CALML4: variants seen among roughly 807,000 people sequenced by gnomAD.
The protein encoded by CALML4 is calmodulin-like protein 4.
In CALML4, 16 loss-of-function variants were observed where a neutral mutation model predicts 17.9. That is an observed-to-expected ratio of 0.89 (90% confidence interval 0.61 to 1.36). The LOEUF is 1.36. CALML4 is among the 40% of genes most tolerant of loss of function. The pLI is 0.00. For missense variants in CALML4, 203 were observed against 194.8 expected (o/e 1.04, Z -0.25); for synonymous variants, 86 against 71.5 (o/e 1.20, Z -1.02).
At position 68,194,083 on chromosome 15, in the gene CALML4, C is replaced by T. The variant is rs753892783; in HGVS notation, c.394G>A (p.Glu132Lys). 1.7e-5 allele frequency: 27 copies of T among 1,613,684 alleles called. No individual in the cohort carries two copies. The highest frequency in any genetic ancestry group is 1.6e-4 in the Middle Eastern group (1 of 6,084). Residue 132 changes from glutamate (E) to lysine (K), a missense_variant, in exon 5 of 5, where the codon GAA becomes AAA. Transcript: ENST00000467889. ...TCATACTTCACTTTGCCATTGGGTT[C>T]GATATCTGCTTCCCTGAAGAGATCA... is the stretch of plus-strand genomic sequence containing the variant. Reference protein sequence around the residue: ...VDDLFREADIEPNGKVKYDEF... With the variant: ...VDDLFREADIKPNGKVKYDEF...
intron 2 of CALML4, among the ~76,000 whole-genome samples, chr15:68,201,942 C>T (rs372053002): frequency 2.0e-5 from 3 of 152,322 alleles, no homozygotes; most frequent in South Asian, 4.1e-4. Flanking sequence ...AACATACTAG[C>T]ACATATATTT....
At chr15:68,203,023 C>G (rs780028498) in intron 2 of CALML4, among the ~76,000 whole-genome samples, 1 of 152,222 alleles carries the variant, frequency 6.6e-6, no homozygotes, top group Non-Finnish European at 1.5e-5. Context: ...CCATGTTGGC[C>G]AGGCTGGTCT....
intron 2 of CALML4, among the ~76,000 whole-genome samples, chr15:68,203,605 G>C (rs944298557): frequency 6.6e-6 from 1 of 152,158 alleles, no homozygotes; most frequent in South Asian, 2.1e-4. Flanking sequence ...TAGCTGTAGT[G>C]AGCCAGCCCC....
rs1283741928 is a variant in CALML4, at chr15:68,204,776, T to C, written c.34+345A>G. ...TCTGTCTCAATTACAAAGCCCCTCC[T>C]CTTTCCCTGCTGCCAGCCATACCTT... On this transcript the variant is annotated intron_variant, in intron 2 of 4. Transcript: ENST00000467889. This position sits in a 1 kb window ranked among gnomAD's most constrained non-coding sequence, Gnocchi z 6.0. Among the ~76,000 whole-genome samples, 1 of 152,120 alleles carries C rather than the reference T, an allele frequency of 6.6e-6. No individual in the cohort carries two copies. Among genetic ancestry groups the C allele is most frequent in the African/African-American group, 2.4e-5 (1 of 41,422 alleles).
intron 4 of CALML4, among the ~76,000 whole-genome samples, chr15:68,196,995 G>GA (rs2093147070): frequency 6.6e-6 from 1 of 152,178 alleles, no homozygotes; most frequent in Non-Finnish European, 1.5e-5. Flanking sequence ...GCTGTGATGG[G>GA]AAAAAGGGCA....
At chr15:68,199,727 C>T (rs773883829) in intron 2 of CALML4, 46 bp from the exon 3 acceptor site, 24 of 1,572,850 alleles carry the variant, frequency 1.5e-5, no homozygotes, top group Admixed American at 1.2e-4. Context: ...GGTCACTCTC[C>T]GCCCATGCCG....
At chr15:68,205,374 C>T, upstream of CALML4, 1 of 1,613,800 alleles carries the variant, frequency 6.2e-7, no homozygotes, top group Non-Finnish European at 8.5e-7. The surrounding 1 kb of genome is among the most constrained non-coding windows in gnomAD (Gnocchi z 4.8). Flanking sequence ...GCTCGGCTGC[C>T]ATGGAGACTG....
At position 68,191,059 on chromosome 15, in the gene CALML4, T is replaced by C. The variant is rs1199733627; in HGVS notation, c.*2956A>G. On this transcript the variant is annotated 3_prime_UTR_variant, in exon 5 of 5. Coordinates refer to ENST00000467889, the MANE Select transcript of CALML4 (RefSeq NM_033429.3). ...ACTTTTTAAAGCACATTTGAAATTA[T>C]TTTAGTAAGAATTTTGTTTTATCAA... 2 of 152,498 alleles carry C rather than the reference T, an allele frequency of 1.3e-5. No individual in the cohort carries two copies. The highest frequency in any genetic ancestry group is 4.8e-5 in the African/African-American group (2 of 41,372). 9.4% of individuals were successfully genotyped at this position (152,498 alleles called of 1,614,324 possible). A position where few individuals can be genotyped will look rare whatever the true frequency, so the allele number is the denominator to read the frequency against.
At position 68,191,232 on chromosome 15, in the gene CALML4, A is replaced by G. The variant is rs2093118325; in HGVS notation, c.*2783T>C. ...AACAGATAAAGTTACCATAAATTCC[A>G]TGAACTTAAATCTGTGATTCATTGC... On this transcript the variant is annotated 3_prime_UTR_variant, in exon 5 of 5. Transcript: ENST00000467889. 1 of 152,686 alleles carries G rather than the reference A, an allele frequency of 6.5e-6. No individual in the cohort carries two copies. The highest frequency in any genetic ancestry group is 1.5e-5 in the Non-Finnish European group (1 of 68,046). The allele number at this position is 152,686 out of a possible 1,614,324, so 9.5% of individuals were successfully genotyped here.
rs1204060062 is a variant in CALML4 at position 68,197,069 on chromosome 15, C to T, written c.364+371G>A. 1.3e-5 allele frequency among the ~76,000 whole-genome samples: 2 copies of T among 152,192 alleles called. No individual in the cohort carries two copies. Among genetic ancestry groups the T allele is most frequent in the Non-Finnish European group, 2.9e-5 (2 of 68,018 alleles). On this transcript the variant is annotated intron_variant, in intron 4 of 4. Transcript: ENST00000467889. This position sits in a 1 kb window ranked among gnomAD's most constrained non-coding sequence, Gnocchi z 4.1. Reference sequence around the variant, plus strand: ...TGGGAGCCGCTCACTCCCCCTGCTTCTTTATCAGTAGGAGCAGGCATTTGT... The same window carrying T: ...TGGGAGCCGCTCACTCCCCCTGCTTTTTTATCAGTAGGAGCAGGCATTTGT...
chr15:68,204,981 TC>T lies in CALML4; in HGVS notation c.34+139del. ...AACCCCCACCCCGCCAACAGCAGCC[TC>T]CCCGCAGCTCTTGGCCCTGGGTGGG... On this transcript the variant is annotated intron_variant, in intron 2 of 4. Transcript: ENST00000467889. This position sits in a 1 kb window ranked among gnomAD's most constrained non-coding sequence, Gnocchi z 6.0. The T allele has an allele frequency of 1.1e-6, 1 of 919,412 alleles. No homozygotes were observed. Among genetic ancestry groups the T allele is most frequent in the East Asian group, 2.5e-5 (1 of 40,546 alleles). 57.0% of individuals were successfully genotyped at this position (919,412 alleles called of 1,614,324 possible).
chr15:68,193,702 C>T lies in CALML4; in HGVS notation c.*313G>A. On this transcript the variant is annotated 3_prime_UTR_variant, in exon 5 of 5. Coordinates refer to ENST00000467889, the MANE Select transcript of CALML4 (RefSeq NM_033429.3). ...GGCTTTGAGGAGTGAAATGATTTGC[C>T]CAAAGTCACAGTGGGAAGCAGCAGA... 2 of 285,070 alleles carry T rather than the reference C, an allele frequency of 7.0e-6. No homozygotes were observed. The highest frequency in any genetic ancestry group is 6.7e-6 in the Non-Finnish European group (1 of 150,066). The allele number at this position is 285,070 out of a possible 1,614,324, so 17.7% of individuals were successfully genotyped here. A position where few individuals can be genotyped will look rare whatever the true frequency, so the allele number is the denominator to read the frequency against.
rs1258591156 is a variant in CALML4, at chr15:68,193,146, C to A, written c.*869G>T. On this transcript the variant is annotated 3_prime_UTR_variant, in exon 5 of 5. Coordinates refer to ENST00000467889, the MANE Select transcript of CALML4 (RefSeq NM_033429.3). The stretch of plus-strand genomic sequence containing the variant: ...GCTTAAGGCAATGACCAGTGTGGGC[C>A]ACTTGAGCAGACCATCCCGGAACCT... 1.3e-5 allele frequency: 2 copies of A among 152,322 alleles called. No homozygotes were observed. Among genetic ancestry groups the A allele is most frequent in the African/African-American group, 2.4e-5 (1 of 41,452 alleles). 9.4% of individuals were successfully genotyped at this position (152,322 alleles called of 1,614,324 possible).
In CALML4 at chr15:68,204,061, C is replaced by A. The variant is rs1308177103; in HGVS notation, c.34+1060G>T. ...TGGACAAGAGGGCACTGCCCCGGGC[C>A]CTGTGTTTTAAAAGTCCCTGCTCCT... On this transcript the variant is annotated intron_variant, in intron 2 of 4. Transcript: ENST00000467889. This position sits in a 1 kb window ranked among gnomAD's most constrained non-coding sequence, Gnocchi z 6.0. Among the ~76,000 whole-genome samples, 1 of 152,096 alleles carries A rather than the reference C, an allele frequency of 6.6e-6. No homozygotes were observed. Among genetic ancestry groups the A allele is most frequent in the African/African-American group, 2.4e-5 (1 of 41,410 alleles).
rs932211882 is a variant in CALML4, at chr15:68,204,530, CTT to C, written c.34+589_34+590del. The stretch of plus-strand genomic sequence containing the variant: ...CCCCCAAGTTCTTTGTAACGCAACT[CTT>C]TGCTCTTGGCCTTCTGGAAATAGAA... On this transcript the variant is annotated intron_variant, in intron 2 of 4. Coordinates refer to ENST00000467889, the MANE Select transcript of CALML4 (RefSeq NM_033429.3). The surrounding 1 kb of genome is among the most constrained non-coding windows in gnomAD (Gnocchi z 6.0). Among the ~76,000 whole-genome samples, 1 of 152,204 alleles carries C rather than the reference CTT, an allele frequency of 6.6e-6. No homozygotes were observed. The highest frequency in any genetic ancestry group is 6.5e-5 in the Admixed American group (1 of 15,278).
Position 68,205,286 on chromosome 15 carries a change from C to T in CALML4, c.-39G>A. On this transcript the variant is annotated 5_prime_UTR_variant, in exon 1 of 5. Transcript: ENST00000467889. The surrounding 1 kb of genome is among the most constrained non-coding windows in gnomAD (Gnocchi z 4.8). ...CTGCTACCCGTGGGCTTGCTGCTCCCAGAACCGCGTTCAGTTCCCTTTCCT... is the reference window on the plus strand; with the variant it reads ...CTGCTACCCGTGGGCTTGCTGCTCCTAGAACCGCGTTCAGTTCCCTTTCCT... 1 of 1,614,128 alleles carries T rather than the reference C, an allele frequency of 6.2e-7. No homozygotes were observed. The highest frequency in any genetic ancestry group is 8.5e-7 in the Non-Finnish European group (1 of 1,180,040).
intron 3 of CALML4, among the ~76,000 whole-genome samples, chr15:68,198,926 C>T (rs866297285): frequency 2.0e-5 from 3 of 152,262 alleles, no homozygotes; most frequent in South Asian, 4.2e-4. Flanking sequence ...CTTTGGGAGG[C>T]CGAGGCAGGC....
At position 68,199,691 on chromosome 15, in the gene CALML4, G is replaced by A. The variant is rs904072580; in HGVS notation, c.35-10C>T. The A allele has an allele frequency of 6.2e-6, 10 of 1,610,152 alleles. No individual in the cohort carries two copies. The highest frequency in any genetic ancestry group is 8.5e-6 in the Non-Finnish European group (10 of 1,178,398). On this transcript the variant is annotated splice_polypyrimidine_tract_variant and intron_variant, in intron 2 of 4. Transcript: ENST00000467889. ...AAGCATTCCTTGTACTCTGCACACGGCCCAGAGGGAGGGTCAGCAGCGTCT... is the reference window on the plus strand; with the variant it reads ...AAGCATTCCTTGTACTCTGCACACGACCCAGAGGGAGGGTCAGCAGCGTCT...
rs35627887 is a variant in CALML4 at position 68,195,046 on chromosome 15, C to CAAAAAAAA, written c.365-942_365-935dup. On this transcript the variant is annotated intron_variant, in intron 4 of 4. Coordinates refer to ENST00000467889, the MANE Select transcript of CALML4 (RefSeq NM_033429.3). ...AAACTGCCATTGTTCTCCATCACTC[C>CAAAAAAAA]AAAAAAAAAAAAAAAATCACTTCAT... Among the ~76,000 whole-genome samples, 27 of 130,726 alleles carry CAAAAAAAA rather than the reference C, an allele frequency of 2.1e-4. No individual in the cohort carries two copies. In the East Asian group the frequency reaches 2.4e-3, roughly 12 times the overall value. The allele number at this position is 130,726 out of a possible 152,430, so 85.8% of individuals were successfully genotyped here.
Sources: gnomAD v4.1 joint callset for allele counts (sites outside exome capture counted in the v4.1 genomes callset) on GRCh38, gnomAD v4.1.1 for gene constraint, Gnocchi (gnomAD v3.1) non-coding constraint, MANE v1.5 for transcripts, NCBI Gene and HGNC (gene_info 2026-07-23, HGNC 2026-07-21) for gene names.